The following NUBPL variants were observed in gnomAD, a reference collection of about 807,000 sequenced individuals.
The protein encoded by NUBPL is iron-sulfur cluster transfer protein NUBPL.
NUBPL carries 31 observed loss-of-function variants against 45.7 expected under a neutral mutation model. That is an observed-to-expected ratio of 0.68 (90% CI 0.51 to 0.92). The LOEUF (loss-of-function observed/expected upper bound fraction) is 0.92. Among genes scored for constraint, NUBPL ranks in the 40% least tolerant of loss-of-function variants. The pLI is 0.00. For missense variants in NUBPL, 401 were observed against 398.7 expected (o/e 1.01, Z -0.05); for synonymous variants, 144 against 140.9 (o/e 1.02, Z -0.15).
chr14:31,781,012 A>G (rs995040977), intron 6 of NUBPL, among the ~76,000 whole-genome samples: 1 of 152,204 alleles, frequency 6.6e-6, no homozygotes, highest in East Asian at 1.9e-4. Flanking sequence ...AAGATGAGAG[A>G]TGCACCCTTT....
intron 8 of NUBPL, 146 bp from the exon 9 acceptor site, chr14:31,846,325 C>T: frequency 1.4e-6 from 1 of 696,668 alleles, no homozygotes; most frequent in Non-Finnish European, 2.6e-6. Context: ...TGAGTTCCTT[C>T]AGAGCAGAGG....
Position 31,745,540 on chromosome 14 carries a change from C to T in NUBPL, c.514-42240C>T, listed in dbSNP as rs142154923. 6.2e-3 allele frequency among the ~76,000 whole-genome samples: 943 copies of T among 152,266 alleles called. 9 individuals carry two copies. The highest frequency in any genetic ancestry group is 0.014 in the Middle Eastern group (4 of 292). On this transcript the variant is annotated intron_variant, in intron 6 of 10. Coordinates refer to ENST00000281081, the MANE Select transcript of NUBPL (RefSeq NM_025152.3). Reference sequence around the variant, plus strand: ...TGATCTCCTGACCTCGTGATCCACCCGCCTTGGCCTCCCAAAGTGCTGGTG... The same window carrying T: ...TGATCTCCTGACCTCGTGATCCACCTGCCTTGGCCTCCCAAAGTGCTGGTG...
intron 3 of NUBPL, among the ~76,000 whole-genome samples, chr14:31,595,053 T>G (rs965280669): frequency 1.3e-5 from 2 of 152,214 alleles, no homozygotes; most frequent in African/African-American, 2.4e-5. Context: ...TTAGTATAAA[T>G]TGCATTGGAA....
At chr14:31,795,197 A>T (rs1176354317) in intron 7 of NUBPL, among the ~76,000 whole-genome samples, 3 of 151,246 alleles carry the variant, frequency 2.0e-5, no homozygotes, top group African/African-American at 7.4e-5. Context: ...TTGGCTTAGG[A>T]TTGACTTGGC....
chr14:31,746,958 T>C (rs2038411555), intron 6 of NUBPL, among the ~76,000 whole-genome samples: 1 of 150,526 alleles, frequency 6.6e-6, no homozygotes, highest in South Asian at 2.1e-4. Context: ...TAGTTCCAGC[T>C]ACTTGAGGGG....
intron 7 of NUBPL, among the ~76,000 whole-genome samples, chr14:31,790,808 G>T (rs1237542230): frequency 6.6e-6 from 1 of 152,036 alleles, no homozygotes; most frequent in Non-Finnish European, 1.5e-5. Flanking sequence ...CCGAGATCGC[G>T]CCACTGCACT....
At chr14:31,621,446 C>A (rs913739573) in intron 4 of NUBPL, among the ~76,000 whole-genome samples, 2 of 152,180 alleles carry the variant, frequency 1.3e-5, no homozygotes, top group Non-Finnish European at 2.9e-5. Context: ...TCATGGTCTG[C>A]CAGTTGCGAA....
At chr14:31,699,712 C>CTTT (rs2037291112) in intron 6 of NUBPL, among the ~76,000 whole-genome samples, 1 of 152,026 alleles carries the variant, frequency 6.6e-6, no homozygotes, top group Non-Finnish European at 1.5e-5. Context: ...GTATTTTATA[C>CTTT]GTTGTATTTT....
Position 31,841,920 on chromosome 14 carries a change from T to TTG in NUBPL, c.694-4550_694-4549insGT, listed in dbSNP as rs1232748747. Among the ~76,000 whole-genome samples the TTG allele has an allele frequency of 2.4e-3, 194 of 81,020 alleles. 18 individuals are homozygous for TTG. The highest frequency in any genetic ancestry group is 5.8e-3 in the African/African-American group (130 of 22,552). The allele number at this position is 81,020 out of a possible 152,430, so 53.2% of individuals were successfully genotyped here. A position where few individuals can be genotyped will look rare whatever the true frequency, so the allele number is the denominator to read the frequency against. ...TCATGTATGGGTCGATTCTGGGCTT[T>TTG]TTTTTTTTTTTTTTTTTTTTTTTTT... On this transcript the variant is annotated intron_variant, in intron 8 of 10. Coordinates refer to ENST00000281081, the MANE Select transcript of NUBPL (RefSeq NM_025152.3).
At chr14:31,848,632 C>T (rs1281391385) in intron 9 of NUBPL, among the ~76,000 whole-genome samples, 1 of 152,180 alleles carries the variant, frequency 6.6e-6, no homozygotes, top group African/African-American at 2.4e-5. Flanking sequence ...ACTTCTCAGG[C>T]TCAGACTGCT....
At chr14:31,729,141 C>T (rs751505917) in intron 6 of NUBPL, among the ~76,000 whole-genome samples, 4 of 151,826 alleles carry the variant, frequency 2.6e-5, no homozygotes, top group Non-Finnish European at 5.9e-5. Flanking sequence ...ATTAGCTGGG[C>T]GTGTGGCAGG....
chr14:31,817,043 T>A (rs1465504844), intron 7 of NUBPL, among the ~76,000 whole-genome samples: 1 of 151,946 alleles, frequency 6.6e-6, no homozygotes, highest in Non-Finnish European at 1.5e-5. Context: ...TCACAGGTTA[T>A]CAGTATCCTA....
chr14:31,573,605 C>T (rs1021635656), intron 3 of NUBPL, among the ~76,000 whole-genome samples: 2 of 152,082 alleles, frequency 1.3e-5, no homozygotes, highest in Admixed American at 1.3e-4. Flanking sequence ...ACTTCCATTC[C>T]CAAATCAATT....
intron 4 of NUBPL, among the ~76,000 whole-genome samples, chr14:31,609,693 A>G (rs1273482663): frequency 6.6e-6 from 1 of 152,204 alleles, no homozygotes; most frequent in Non-Finnish European, 1.5e-5. Context: ...GTCTTAAAAC[A>G]TTCAAAAAAT....
intron 4 of NUBPL, among the ~76,000 whole-genome samples, chr14:31,651,898 CA>C (rs528694961): frequency 0.22 from 19,791 of 91,244 alleles, 3,675 homozygotes; most frequent in African/African-American, 0.51. Flanking sequence ...GACTCTGTCT[CA>C]AAAAAAAAAA....
chr14:31,739,218 T>TTA (rs35462177), intron 6 of NUBPL, among the ~76,000 whole-genome samples: 63 of 139,470 alleles, frequency 4.5e-4, no homozygotes, highest in African/African-American at 1.5e-3. Context: ...ATATATTATA[T>TTA]TATATATATA....
intron 4 of NUBPL, among the ~76,000 whole-genome samples, chr14:31,646,289 C>T (rs1050800329): frequency 2.6e-5 from 4 of 151,952 alleles, no homozygotes; most frequent in Non-Finnish European, 5.9e-5. Context: ...CAGATTCAGG[C>T]GATTCTTGTA....
chr14:31,850,138 T>G lies in NUBPL; in HGVS notation c.834T>G (p.Leu278=), dbSNP rs1237061820. ...TTTTAGGAGACATTCCCTTACACCT[T>G]AATATAAGGGAAGCTTCAGATACAG... ...LEVLGDIPLH[L]NIREASDTGQ... is the part of the protein sequence containing the mutation. The change falls in exon 10 of 11, where the codon CTT becomes CTG. Residue 278 remains leucine, a synonymous_variant. Transcript: ENST00000281081. The G allele has an allele frequency of 1.9e-6, 3 of 1,613,330 alleles. No homozygotes were observed. The highest frequency in any genetic ancestry group is 2.5e-6 in the Non-Finnish European group (3 of 1,179,440).
At chr14:31,572,025 T>G (rs565518585) in intron 3 of NUBPL, among the ~76,000 whole-genome samples, 4 of 151,448 alleles carry the variant, frequency 2.6e-5, no homozygotes, top group Admixed American at 6.6e-5. Flanking sequence ...ATAGGTTAAG[T>G]AATTTGCCTC....
Sources: gnomAD v4.1 joint callset for allele counts (sites outside exome capture counted in the v4.1 genomes callset) on GRCh38, gnomAD v4.1.1 for gene constraint, MANE v1.5 for transcripts, NCBI Gene and HGNC (gene_info 2026-07-23, HGNC 2026-07-21) for gene names.